The following KCNMA1 variants were observed in gnomAD, a reference collection of about 807,000 sequenced individuals.
The protein encoded by KCNMA1 is potassium calcium-activated channel subfamily M alpha 1, also known as Calcium-activated potassium channel subunit alpha-1.
Under a neutral mutation model 140.0 loss-of-function variants are expected in KCNMA1, and 29 were observed. The observed-to-expected ratio is 0.21, with a 90% CI of 0.15 to 0.28. The LOEUF (loss-of-function observed/expected upper bound fraction) is 0.28. Ranked by LOEUF, KCNMA1 falls within the 10% of genes least tolerant of loss-of-function variation. The pLI, the probability that KCNMA1 is intolerant of heterozygous loss-of-function variation, is 1.00. For synonymous variants in KCNMA1, 612 were observed against 611.9 expected (o/e 1.00, Z 0.00); for missense variants, 880 against 1,602.2 (o/e 0.55, Z 7.70).
At chr10:77,192,881 G>C (rs2039073150) in intron 3 of KCNMA1, among the ~76,000 whole-genome samples, 1 of 152,076 alleles carries the variant, frequency 6.6e-6, no homozygotes, top group African/African-American at 2.4e-5. Context: ...CAAATGCCTA[G>C]TATAATTCTA....
At chr10:77,328,994 C>A (rs1029215288) in intron 2 of KCNMA1, among the ~76,000 whole-genome samples, 1 of 152,038 alleles carries the variant, frequency 6.6e-6, no homozygotes, top group Non-Finnish European at 1.5e-5. Context: ...GCGCCTGCCA[C>A]CATGCCCGGC....
intron 1 of KCNMA1, among the ~76,000 whole-genome samples, chr10:77,473,397 T>C (rs962387455): frequency 6.6e-6 from 1 of 152,184 alleles, no homozygotes; most frequent in Non-Finnish European, 1.5e-5. Flanking sequence ...CCTGGAGCAG[T>C]GGAGGCCAAG....
intron 1 of KCNMA1, among the ~76,000 whole-genome samples, chr10:77,462,817 C>T (rs1230115183): frequency 1.3e-5 from 2 of 152,182 alleles, no homozygotes; most frequent in African/African-American, 4.8e-5. Flanking sequence ...GAGCTTGGCT[C>T]AGGAAGCCGG....
intron 2 of KCNMA1, among the ~76,000 whole-genome samples, chr10:77,260,577 T>C (rs1224853415): frequency 2.0e-5 from 3 of 152,126 alleles, no homozygotes; most frequent in Non-Finnish European, 2.9e-5. Context: ...GGCGTGGTGC[T>C]GTGCACCTCT....
intron 9 of KCNMA1, among the ~76,000 whole-genome samples, chr10:77,095,206 T>C (rs1330165155): frequency 6.6e-6 from 1 of 152,210 alleles, no homozygotes; most frequent in Admixed American, 6.5e-5. Flanking sequence ...CCAATTTCTA[T>C]AGGGCCTGAC....
At chr10:77,490,970 C>CT (rs2098524951) in intron 1 of KCNMA1, among the ~76,000 whole-genome samples, 2 of 152,272 alleles carry the variant, frequency 1.3e-5, no homozygotes, top group East Asian at 3.9e-4. Flanking sequence ...ATCAGCCCTA[C>CT]TGTAGGAGCC....
At chr10:77,570,586 G>A (rs1203506350) in intron 1 of KCNMA1, among the ~76,000 whole-genome samples, 1 of 33,408 alleles carries the variant, frequency 3.0e-5, no homozygotes, top group Non-Finnish European at 7.1e-5. Flanking sequence ...GGGGACTGTT[G>A]TGGGGTAGGG....
chr10:77,043,684 A>G lies in KCNMA1; in HGVS notation c.1750-4047T>C, dbSNP rs183883213. On this transcript the variant is annotated intron_variant, in intron 14 of 27. Transcript: ENST00000286628. ...TTAAAAAAGAAGAAAACTCTGACAC[A>G]TGCTACAACATGGATGACCCTTGAA... Among the ~76,000 whole-genome samples the G allele has an allele frequency of 1.2e-4, 19 of 152,334 alleles. No individual in the cohort carries two copies. The East Asian group carries it at 3.5e-3, about 28-fold the overall frequency.
chr10:77,363,563 A>G (rs250710), intron 2 of KCNMA1, among the ~76,000 whole-genome samples: 28,940 of 152,200 alleles, frequency 0.19, 3,632 homozygotes, highest in Non-Finnish European at 0.26. Context: ...TGCTTAAAAC[A>G]CTTCCATGGT....
intron 2 of KCNMA1, among the ~76,000 whole-genome samples, chr10:77,380,960 C>T (rs1271585193): frequency 6.6e-6 from 1 of 152,208 alleles, no homozygotes; most frequent in African/African-American, 2.4e-5. Context: ...CCAATATTTA[C>T]AGCTTAGCCC....
intron 1 of KCNMA1, among the ~76,000 whole-genome samples, chr10:77,418,318 G>T (rs1486294100): frequency 6.6e-6 from 1 of 152,090 alleles, no homozygotes; most frequent in African/African-American, 2.4e-5. Flanking sequence ...CCATGGCCTG[G>T]GACCCCTCCA....
intron 2 of KCNMA1, among the ~76,000 whole-genome samples, chr10:77,275,522 C>T (rs1229596901): frequency 6.6e-6 from 1 of 152,138 alleles, no homozygotes; most frequent in Non-Finnish European, 1.5e-5. Flanking sequence ...GTGTTATGGA[C>T]AGAAGCAAAA....
At chr10:77,604,411 T>G (rs1418236186) in intron 1 of KCNMA1, among the ~76,000 whole-genome samples, 1 of 152,170 alleles carries the variant, frequency 6.6e-6, no homozygotes, top group Non-Finnish European at 1.5e-5. Context: ...ATTTTAGTTT[T>G]TAAAAGTTGT....
At chr10:77,521,747 G>C (rs992660572) in intron 1 of KCNMA1, among the ~76,000 whole-genome samples, 1 of 152,040 alleles carries the variant, frequency 6.6e-6, no homozygotes, top group Non-Finnish European at 1.5e-5. Context: ...GTGATGACTC[G>C]GTTGAATGAA....
chr10:77,367,293 A>G (rs2094426479), intron 2 of KCNMA1, among the ~76,000 whole-genome samples: 3 of 152,204 alleles, frequency 2.0e-5, no homozygotes, highest in Admixed American at 2.0e-4. Flanking sequence ...ATTTCAGGGG[A>G]AAGAGCTTAC....
chr10:76,919,260 A>T (rs1425313892), intron 23 of KCNMA1, among the ~76,000 whole-genome samples: 2 of 152,106 alleles, frequency 1.3e-5, no homozygotes, highest in African/African-American at 4.8e-5. Flanking sequence ...ACCACTAAAG[A>T]ACTTACTCAT....
At chr10:77,489,381 G>T (rs976144191) in intron 1 of KCNMA1, among the ~76,000 whole-genome samples, 2 of 151,778 alleles carry the variant, frequency 1.3e-5, no homozygotes, top group Non-Finnish European at 2.9e-5. Flanking sequence ...TGTCGCCCAG[G>T]CTGGAGTGGA....
intron 5 of KCNMA1, among the ~76,000 whole-genome samples, chr10:77,156,847 C>T (rs567872976): frequency 1.3e-5 from 2 of 152,314 alleles, no homozygotes; most frequent in South Asian, 2.1e-4. Context: ...ACCCAGAGGA[C>T]TCAACACGAG....
At chr10:77,370,519 T>C (rs1248689123) in intron 2 of KCNMA1, among the ~76,000 whole-genome samples, 1 of 152,216 alleles carries the variant, frequency 6.6e-6, no homozygotes, top group Non-Finnish European at 1.5e-5. Context: ...AATCTCTAGC[T>C]CTTTGTTTGA....
Sources: gnomAD v4.1 joint callset for allele counts (sites outside exome capture counted in the v4.1 genomes callset) on GRCh38, gnomAD v4.1.1 for gene constraint, MANE v1.5 for transcripts, NCBI Gene and HGNC (gene_info 2026-07-23, HGNC 2026-07-21) for gene names.